HS3ST5: variants seen among roughly 807,000 people sequenced by gnomAD.
The protein encoded by HS3ST5 is heparan sulfate glucosamine 3-O-sulfotransferase 5.
HS3ST5 carries 10 observed loss-of-function variants against 25.4 expected under a neutral mutation model. The ratio of observed to expected loss-of-function variants is 0.39; its 90% CI spans 0.24 to 0.67. The LOEUF is 0.67. HS3ST5 is among the 30% of genes least tolerant of loss of function. The probability of loss-of-function intolerance (pLI) is 0.44; values close to 1 mark genes in which losing one functional copy is unlikely to be tolerated. For missense variants in HS3ST5, 324 were observed against 420.7 expected, an observed-to-expected ratio of 0.77 and a Z score of 2.01; for synonymous variants, 170 against 162.4, an observed-to-expected ratio of 1.05 and a Z score of -0.36.
intron 3 of HS3ST5, among the ~76,000 whole-genome samples, chr6:114,074,678 CACTG>C (rs1444413580): frequency 4.6e-5 from 7 of 152,094 alleles, no homozygotes; most frequent in African/African-American, 7.2e-5. Flanking sequence ...TATACCCTGC[CACTG>C]ACTATGTTCT....
intron 1 of HS3ST5, among the ~76,000 whole-genome samples, chr6:114,239,983 T>C (rs1772031882): frequency 6.7e-6 from 1 of 148,870 alleles, no homozygotes; most frequent in Non-Finnish European, 1.5e-5. Flanking sequence ...TTGTTTTACA[T>C]CAATTCTTGA....
At chr6:114,252,225 G>A (rs948358221) in intron 1 of HS3ST5, among the ~76,000 whole-genome samples, 2 of 151,922 alleles carry the variant, frequency 1.3e-5, no homozygotes, top group African/African-American at 4.8e-5. Flanking sequence ...TTATTGCTTA[G>A]GTGTTTGTGT....
chr6:114,176,327 C>CT (rs1279067391), intron 2 of HS3ST5, among the ~76,000 whole-genome samples: 2 of 152,292 alleles, frequency 1.3e-5, no homozygotes, highest in East Asian at 3.9e-4. Flanking sequence ...TTTCCAATGT[C>CT]TATCATCTAC....
At position 114,300,614 on chromosome 6, in the gene HS3ST5, C is replaced by A. The variant is rs117713718; in HGVS notation, c.-339+41581G>T. Among the ~76,000 whole-genome samples the A allele has an allele frequency of 9.3e-4, 142 of 152,230 alleles. No homozygotes were observed. In the East Asian group the frequency reaches 0.011, roughly 12 times the overall value. The stretch of plus-strand genomic sequence containing the variant: ...TTTGTGAATTCCTCAACACACAAAA[C>A]ATAGGGTTGCCATATGACCCAGCAA... On this transcript the variant is annotated intron_variant, in intron 1 of 4. Transcript: ENST00000312719.
At chr6:114,059,770 C>CT (rs1300876081) in intron 4 of HS3ST5, 1 of 152,154 alleles carries the variant, frequency 6.6e-6, no homozygotes, top group Non-Finnish European at 1.5e-5. Flanking sequence ...TCAATTAAAC[C>CT]TTTTTTCTTT....
At chr6:114,077,343 A>T (rs1774194305) in intron 3 of HS3ST5, among the ~76,000 whole-genome samples, 1 of 152,168 alleles carries the variant, frequency 6.6e-6, no homozygotes, top group African/African-American at 2.4e-5. Flanking sequence ...CCAGTATCTC[A>T]CTGGTATAGG....
At chr6:114,152,300 A>G (rs972158129) in intron 3 of HS3ST5, among the ~76,000 whole-genome samples, 2 of 152,184 alleles carry the variant, frequency 1.3e-5, no homozygotes, top group African/African-American at 4.8e-5. Context: ...TTTTAAAGAA[A>G]AAGAATTATT....
At chr6:114,108,257 T>G (rs1050436865) in intron 3 of HS3ST5, among the ~76,000 whole-genome samples, 1 of 152,190 alleles carries the variant, frequency 6.6e-6, no homozygotes, top group Non-Finnish European at 1.5e-5. Flanking sequence ...TTTTGAATGC[T>G]GAGGCAGAGC....
intron 2 of HS3ST5, among the ~76,000 whole-genome samples, chr6:114,209,184 G>A (rs1418392566): frequency 2.0e-5 from 3 of 152,010 alleles, no homozygotes; most frequent in Non-Finnish European, 4.4e-5. Context: ...CATTGCCAGT[G>A]AGACTGTACA....
At chr6:114,329,271 T>A (rs1776296216) in intron 1 of HS3ST5, among the ~76,000 whole-genome samples, 1 of 152,242 alleles carries the variant, frequency 6.6e-6, no homozygotes, top group Admixed American at 6.5e-5. Context: ...TGGGAAAATG[T>A]TTAGATTTCA....
intron 3 of HS3ST5, among the ~76,000 whole-genome samples, chr6:114,093,387 GTGTGTGTGTGTC>G (rs1775242993): frequency 7.7e-6 from 1 of 130,378 alleles, no homozygotes; most frequent in Non-Finnish European, 1.7e-5. Flanking sequence ...GTGTGTGTGT[GTGTGTGTGTGTC>G]TGGATGTTTT....
chr6:114,342,411 C>G lies in HS3ST5; in HGVS notation c.-555G>C, dbSNP rs1197765042. On this transcript the variant is annotated 5_prime_UTR_variant, in exon 1 of 5. Transcript: ENST00000312719. ...GCGTGTGAGTAAGACGCGAGCGGGC[C>G]CCACACGCAGGCGGCGGCGGCGGCG... The G allele has an allele frequency of 2.1e-5, 4 of 193,314 alleles. No homozygotes were observed. The highest frequency in any genetic ancestry group is 9.6e-5 in the African/African-American group (4 of 41,606). 12.0% of individuals were successfully genotyped at this position (193,314 alleles called of 1,614,324 possible).
At chr6:114,060,553 C>T (rs1057386497) in intron 4 of HS3ST5, among the ~76,000 whole-genome samples, 8 of 152,126 alleles carry the variant, frequency 5.3e-5, no homozygotes, top group South Asian at 2.1e-4. Context: ...ATAAGGCATC[C>T]ATTGATGGAT....
chr6:114,266,506 A>G (rs926912851), intron 1 of HS3ST5, among the ~76,000 whole-genome samples: 3 of 152,168 alleles, frequency 2.0e-5, no homozygotes, highest in African/African-American at 7.2e-5. Flanking sequence ...TTCATGAGAG[A>G]AGCAAGAAAA....
At chr6:114,061,598 G>A (rs1773117403) in intron 4 of HS3ST5, among the ~76,000 whole-genome samples, 1 of 152,228 alleles carries the variant, frequency 6.6e-6, no homozygotes, top group African/African-American at 2.4e-5. Context: ...TGTTTTCACT[G>A]ACTGTGAGAA....
intron 3 of HS3ST5, among the ~76,000 whole-genome samples, chr6:114,155,707 A>C (rs1360753551): frequency 6.6e-6 from 1 of 152,216 alleles, no homozygotes; most frequent in Non-Finnish European, 1.5e-5. Context: ...TATATTTTTT[A>C]ATGGAAAATT....
intron 1 of HS3ST5, among the ~76,000 whole-genome samples, chr6:114,293,429 C>T (rs569005304): frequency 6.6e-6 from 1 of 152,256 alleles, no homozygotes; most frequent in East Asian, 1.9e-4. Context: ...AGGGGAGTCA[C>T]TGAAGTCTTT....
chr6:114,186,277 T>G (rs779579366), intron 2 of HS3ST5, among the ~76,000 whole-genome samples: 10 of 152,118 alleles, frequency 6.6e-5, no homozygotes, highest in Admixed American at 1.3e-4. Context: ...ACTAGGCCTC[T>G]TCCACCAAAC....
intron 1 of HS3ST5, among the ~76,000 whole-genome samples, chr6:114,274,898 T>C (rs970751844): frequency 6.6e-6 from 1 of 151,962 alleles, no homozygotes. Flanking sequence ...TCCCTGACTA[T>C]ACAACTATGT....
Sources: gnomAD v4.1 joint callset for allele counts (sites outside exome capture counted in the v4.1 genomes callset) on GRCh38, gnomAD v4.1.1 for gene constraint, MANE v1.5 for transcripts, NCBI Gene and HGNC (gene_info 2026-07-23, HGNC 2026-07-21) for gene names.